The following OBI1 variants were observed in gnomAD, a reference collection of about 807,000 sequenced individuals.
The protein encoded by OBI1 is ORC ubiquitin ligase 1.
OBI1 carries 59 observed loss-of-function variants against 62.4 expected under a neutral mutation model. The observed-to-expected ratio is 0.95, with a 90% CI of 0.77 to 1.17. The LOEUF (loss-of-function observed/expected upper bound fraction) is 1.17. Among genes scored for constraint, OBI1 ranks in the 50% most tolerant of loss-of-function variants. The pLI, the probability that OBI1 is intolerant of heterozygous loss-of-function variation, is 0.00. For missense variants in OBI1, 875 were observed against 830.9 expected, an observed-to-expected ratio of 1.05 and a Z score of -0.65; for synonymous variants, 302 against 292.8, an observed-to-expected ratio of 1.03 and a Z score of -0.32.
Position 78,642,220 on chromosome 13 carries a change from GGA to G in OBI1, c.209-9_209-8del. The G allele has an allele frequency of 1.3e-6, 2 of 1,513,772 alleles. No homozygotes were observed. The highest frequency in any genetic ancestry group is 1.2e-5 in the South Asian group (1 of 83,728). 93.8% of individuals were successfully genotyped at this position (1,513,772 alleles called of 1,614,324 possible). On this transcript the variant is annotated splice_polypyrimidine_tract_variant and splice_region_variant and intron_variant, in intron 2 of 5. Coordinates refer to ENST00000282003, the MANE Select transcript of OBI1 (RefSeq NM_024546.4). ...TCACTTTCACTTGTTCCTCCTGTAG[GGA>G]AAAAAAAAAAAATCCTAATTTTTCA...
chr13:78,643,908 T>C (rs1285736907), intron 2 of OBI1, among the ~76,000 whole-genome samples: 1 of 152,218 alleles, frequency 6.6e-6, no homozygotes, highest in Non-Finnish European at 1.5e-5. Context: ...TTTCAATTTT[T>C]CCTATAGCAA....
At chr13:78,631,961 T>C (rs1437252734) in intron 5 of OBI1, among the ~76,000 whole-genome samples, 1 of 152,154 alleles carries the variant, frequency 6.6e-6, no homozygotes, top group African/African-American at 2.4e-5. Flanking sequence ...GAGACCAATG[T>C]AAATCTCCTT....
At chr13:78,653,888 G>T (rs554111513) in intron 1 of OBI1, among the ~76,000 whole-genome samples, 2 of 152,208 alleles carry the variant, frequency 1.3e-5, no homozygotes, top group African/African-American at 4.8e-5. Flanking sequence ...AGTCTTCAGT[G>T]TAAAAATGAC....
rs761426697 is a variant in OBI1, at chr13:78,615,842, T to C, written c.1919A>G (p.Lys640Arg). ...SSSCPVTNEI[K>R]PPSCLFQTEF... is the part of the protein sequence containing the mutation. The stretch of plus-strand genomic sequence containing the variant: ...TGTCTGAAACAAGCAGCTTGGGGGT[T>C]TGATTTCATTAGTTACTGGACAAGA... The change falls in exon 6 of 6, where the codon AAA (lysine) becomes AGA (arginine). Residue 640 changes from lysine to arginine, a missense_variant. Lys to Arg is a conservative substitution (Grantham distance 26). Coordinates refer to ENST00000282003, the MANE Select transcript of OBI1 (RefSeq NM_024546.4). 9.9e-6 allele frequency: 16 copies of C among 1,614,154 alleles called. No homozygotes were observed. Among genetic ancestry groups the C allele is most frequent in the South Asian group, 7.7e-5 (7 of 91,080 alleles).
chr13:78,621,931 A>G (rs565701547), intron 5 of OBI1, among the ~76,000 whole-genome samples: 1 of 152,346 alleles, frequency 6.6e-6, no homozygotes, highest in East Asian at 1.9e-4. Context: ...ATTATATGAG[A>G]AGGGAAGCAC....
chr13:78,631,828 G>A (rs1012765965), intron 5 of OBI1, among the ~76,000 whole-genome samples: 1 of 152,146 alleles, frequency 6.6e-6, no homozygotes, highest in Admixed American at 6.5e-5. Flanking sequence ...AAGGAAAAAT[G>A]TCCAGGTACA....
chr13:78,630,202 T>C (rs1875802333), intron 5 of OBI1, among the ~76,000 whole-genome samples: 1 of 152,170 alleles, frequency 6.6e-6, no homozygotes, highest in Admixed American at 6.5e-5. Context: ...ATTTGTTTCA[T>C]ATATTTTCAT....
intron 5 of OBI1, among the ~76,000 whole-genome samples, chr13:78,631,626 G>C (rs1875853807): frequency 6.6e-6 from 1 of 152,102 alleles, no homozygotes; most frequent in Non-Finnish European, 1.5e-5. Context: ...AAATTCAGAA[G>C]CATAATAAGG....
At chr13:78,645,056 G>A (rs1003573926) in intron 1 of OBI1, 59 bp from the exon 2 acceptor site, 3 of 1,508,626 alleles carry the variant, frequency 2.0e-6, no homozygotes, top group African/African-American at 2.8e-5. Context: ...AAGATCAAAT[G>A]GTTTAGTTTA....
chr13:78,621,476 C>T (rs1340969559), intron 5 of OBI1, among the ~76,000 whole-genome samples: 1 of 152,172 alleles, frequency 6.6e-6, no homozygotes, highest in Non-Finnish European at 1.5e-5. Flanking sequence ...AGCTGGGCTG[C>T]TCCTTGTCTC....
intron 5 of OBI1, among the ~76,000 whole-genome samples, chr13:78,634,062 C>T (rs1328305207): frequency 8.9e-5 from 13 of 145,300 alleles, no homozygotes; most frequent in Non-Finnish European, 1.3e-4. Context: ...AGCAAGACTC[C>T]GTCTCAAAAA....
At chr13:78,647,130 T>C (rs542921311) in intron 1 of OBI1, among the ~76,000 whole-genome samples, 13 of 152,342 alleles carry the variant, frequency 8.5e-5, no homozygotes, top group East Asian at 1.9e-4. Context: ...AAGCCGGGTA[T>C]TGTCCAAGGT....
At chr13:78,655,973 T>C (rs1363034680) in intron 1 of OBI1, among the ~76,000 whole-genome samples, 1 of 152,180 alleles carries the variant, frequency 6.6e-6, no homozygotes, top group Non-Finnish European at 1.5e-5. Flanking sequence ...TGGAACCAGC[T>C]GAAAATTCTG....
chr13:78,643,237 A>C, intron 2 of OBI1, among the ~76,000 whole-genome samples: 1 of 152,218 alleles, frequency 6.6e-6, no homozygotes, highest in South Asian at 2.1e-4. Flanking sequence ...TGAGAAGAAA[A>C]GCTGGGGGAA....
rs745434477 is a variant in OBI1, at chr13:78,616,417, A to C, written c.1344T>G (p.Ser448Arg). ...SNKDSSEDDI[S>R]RSENEKKSEC... is the part of the protein sequence containing the mutation. The stretch of plus-strand genomic sequence containing the variant: ...CTGATTTCTTTTCATTTTCACTTCT[A>C]CTTATATCATCTTCTGAAGAATCTT... The change falls in exon 6 of 6, where the codon AGT (serine) becomes AGG (arginine). Residue 448 changes from serine (S) to arginine (R), a missense_variant. Coordinates refer to ENST00000282003, the MANE Select transcript of OBI1 (RefSeq NM_024546.4). The C allele has an allele frequency of 6.2e-7, 1 of 1,613,258 alleles. No homozygotes were observed. The highest frequency in any genetic ancestry group is 8.5e-7 in the Non-Finnish European group (1 of 1,179,740).
Position 78,645,012 on chromosome 13 carries a change from A to T in OBI1, c.73-15T>A. 6.2e-7 allele frequency: 1 copy of T among 1,604,832 alleles called. No homozygotes were observed. The highest frequency in any genetic ancestry group is 8.5e-7 in the Non-Finnish European group (1 of 1,176,312). ...GGCTGACGTACCTTTGAAAAAAGAAATCACTTTTAGTACAGGACAACGGTC... is the reference window on the plus strand; with the variant it reads ...GGCTGACGTACCTTTGAAAAAAGAATTCACTTTTAGTACAGGACAACGGTC... On this transcript the variant is annotated splice_polypyrimidine_tract_variant and intron_variant, in intron 1 of 5. Transcript: ENST00000282003.
intron 1 of OBI1, among the ~76,000 whole-genome samples, chr13:78,645,807 C>G (rs569383460): frequency 6.6e-6 from 1 of 152,172 alleles, no homozygotes. Flanking sequence ...CCTGCCACCA[C>G]GCCAGCTCAT....
rs147153566 is a variant in OBI1, at chr13:78,635,468, G to C, written c.550-270C>G. Among the ~76,000 whole-genome samples the C allele has an allele frequency of 1.8e-3, 281 of 152,276 alleles. 1 individual carries two copies. The highest frequency in any genetic ancestry group is 6.4e-3 in the African/African-American group (268 of 41,558). On this transcript the variant is annotated intron_variant, in intron 4 of 5. Coordinates refer to ENST00000282003, the MANE Select transcript of OBI1 (RefSeq NM_024546.4). ...ATGTTAGTTAGCTTAGAGTCATTAAGGGACCATACTAATGGCAAATGTATG... is the reference window on the plus strand; with the variant it reads ...ATGTTAGTTAGCTTAGAGTCATTAACGGACCATACTAATGGCAAATGTATG...
At chr13:78,641,560 C>T (rs890597446) in intron 3 of OBI1, among the ~76,000 whole-genome samples, 14 of 152,240 alleles carry the variant, frequency 9.2e-5, no homozygotes, top group South Asian at 4.2e-4. Flanking sequence ...AAAATAGCAT[C>T]ACCATGTCCA....
Sources: gnomAD v4.1 joint callset for allele counts (sites outside exome capture counted in the v4.1 genomes callset) on GRCh38, gnomAD v4.1.1 for gene constraint, MANE v1.5 for transcripts, NCBI Gene and HGNC (gene_info 2026-07-23, HGNC 2026-07-21) for gene names.